GSAP: variants seen among roughly 807,000 people sequenced by gnomAD.
The protein encoded by GSAP is gamma-secretase-activating protein.
Under a neutral mutation model 131.7 loss-of-function variants are expected in GSAP, and 118 were observed. The observed-to-expected ratio is 0.90, with a 90% CI of 0.77 to 1.04. GSAP has a LOEUF of 1.04. Ranked by LOEUF, GSAP falls within the 50% of genes least tolerant of loss-of-function variation. The probability of loss-of-function intolerance (pLI) is 0.00; values close to 1 mark genes in which losing one functional copy is unlikely to be tolerated. For synonymous variants in GSAP, 381 were observed against 363.4 expected (o/e 1.05, Z -0.55); for missense variants, 1,019 against 1,013.2 (o/e 1.01, Z -0.08).
chr7:77,311,907 T>G lies in GSAP; in HGVS notation c.2407A>C (p.Ser803Arg). 6.2e-7 allele frequency: 1 copy of G among 1,602,216 alleles called. No individual in the cohort carries two copies. The highest frequency in any genetic ancestry group is 1.1e-5 in the South Asian group (1 of 90,872). ...TAGTTCAGAGGCAGAAATTCTACAC[T>G]GAACGATGACTTGTTAATCATAGAA... Reference protein sequence around the residue: ...RNSMINKSSFSVEFLPLNYFI... With the variant: ...RNSMINKSSFRVEFLPLNYFI... Residue 803 changes from serine (S) to arginine (R), a missense_variant, in exon 30 of 31, where the codon AGT (serine) becomes CGT (arginine). By Grantham distance (110) the Ser-to-Arg change is moderately radical. Transcript: ENST00000257626.
At chr7:77,352,222 A>G (rs1792990485) in intron 18 of GSAP, among the ~76,000 whole-genome samples, 1 of 152,206 alleles carries the variant, frequency 6.6e-6, no homozygotes, top group Admixed American at 6.5e-5. Context: ...TGTTATTTAA[A>G]TTCAATTTAT....
chr7:77,397,669 G>C (rs1180332120), intron 3 of GSAP, among the ~76,000 whole-genome samples: 1 of 152,162 alleles, frequency 6.6e-6, no homozygotes, highest in Non-Finnish European at 1.5e-5. Context: ...CATAGACATT[G>C]GAGCCCAGCT....
intron 19 of GSAP, among the ~76,000 whole-genome samples, chr7:77,338,180 C>CA (rs1429675930): frequency 5.9e-5 from 9 of 151,984 alleles, no homozygotes; most frequent in Non-Finnish European, 1.3e-4. Flanking sequence ...ATCAATCAAT[C>CA]AAAATTTTTT....
rs149525989 is a variant in GSAP, at chr7:77,336,467, A to C, written c.1546-6100T>G. 1.4e-4 allele frequency among the ~76,000 whole-genome samples: 21 copies of C among 151,426 alleles called. No individual in the cohort carries two copies. In the East Asian group the frequency reaches 3.9e-3, roughly 28 times the overall value. On this transcript the variant is annotated intron_variant, in intron 19 of 30. Transcript: ENST00000257626. ...CTACAGAAACAACAGGAATGATATC[A>C]CTAGCCTCAAGCTCTTTTTTTTTGT... is the stretch of plus-strand genomic sequence containing the variant.
intron 14 of GSAP, among the ~76,000 whole-genome samples, chr7:77,357,628 A>G (rs938944429): frequency 1.3e-5 from 2 of 152,184 alleles, no homozygotes; most frequent in Non-Finnish European, 2.9e-5. Context: ...CTGATAGCTA[A>G]AAAAATTAAA....
At chr7:77,360,411 G>A (rs1182755931) in intron 14 of GSAP, among the ~76,000 whole-genome samples, 1 of 152,120 alleles carries the variant, frequency 6.6e-6, no homozygotes, top group Admixed American at 6.5e-5. Flanking sequence ...TTCAAGATTA[G>A]CAACAGGAAA....
intron 14 of GSAP, among the ~76,000 whole-genome samples, chr7:77,357,678 G>T (rs767114324): frequency 6.6e-6 from 1 of 152,204 alleles, no homozygotes; most frequent in African/African-American, 2.4e-5. Flanking sequence ...TTACAGATTT[G>T]TCTTGGGCCA....
intron 5 of GSAP, among the ~76,000 whole-genome samples, chr7:77,390,619 G>T (rs937925159): frequency 7.2e-5 from 11 of 151,966 alleles, no homozygotes; most frequent in Non-Finnish European, 1.3e-4. Context: ...ATATCTGAGG[G>T]CTCTGTTCTG....
In GSAP at chr7:77,349,384, AAG is replaced by A. The variant is rs764434537; in HGVS notation, c.1510_1511del (p.Leu504CysfsTer16). ...GAGGCAATGCAATGTCTTCTGTCAC[AAG>A]AGTTATTCCAGGAATTTCCTATAGT... ...TWNTEIPGIT[L>X]VTEDIALPLM... On this transcript the variant is annotated frameshift_variant, in exon 19 of 31. Coordinates refer to ENST00000257626, the MANE Select transcript of GSAP (RefSeq NM_017439.4). LOFTEE classifies it high-confidence loss of function. 6.2e-7 allele frequency: 1 copy of A among 1,613,204 alleles called. No homozygotes were observed. The highest frequency in any genetic ancestry group is 8.5e-7 in the Non-Finnish European group (1 of 1,179,400).
In GSAP at chr7:77,321,329, G is replaced by A. The variant is rs367737064; in HGVS notation, c.1994+4C>T. 17 of 1,557,626 alleles carry A rather than the reference G, an allele frequency of 1.1e-5. No homozygotes were observed. The African/African-American group carries it at 1.2e-4, about 11-fold the overall frequency. On this transcript the variant is annotated splice_donor_region_variant and intron_variant, in intron 25 of 30. Transcript: ENST00000257626. Reference sequence around the variant, plus strand: ...CATGATAAAAGTGAGAAATACTTGCGTACAAGTGGAGAACCCAGGAATGAA... The same window carrying A: ...CATGATAAAAGTGAGAAATACTTGCATACAAGTGGAGAACCCAGGAATGAA...
intron 12 of GSAP, among the ~76,000 whole-genome samples, chr7:77,369,495 C>T (rs1795805692): frequency 6.6e-6 from 1 of 152,072 alleles, no homozygotes; most frequent in African/African-American, 2.4e-5. Flanking sequence ...CAAATGTTTT[C>T]AAGAATATAA....
intron 8 of GSAP, among the ~76,000 whole-genome samples, chr7:77,378,359 C>T (rs922239256): frequency 6.6e-6 from 1 of 152,024 alleles, no homozygotes; most frequent in Non-Finnish European, 1.5e-5. Context: ...TGGTGCATGC[C>T]TGTAATCCCA....
Position 77,328,600 on chromosome 7 carries a change from T to C in GSAP, c.1765+6A>G, listed in dbSNP as rs745497046. The stretch of plus-strand genomic sequence containing the variant: ...CCAGAAGGCTTTATTACAGATCTTT[T>C]CTTACCCAAATTTCTTGCTTCTAGG... On this transcript the variant is annotated splice_donor_region_variant and intron_variant, in intron 22 of 30. Coordinates refer to ENST00000257626, the MANE Select transcript of GSAP (RefSeq NM_017439.4). 2 of 1,611,540 alleles carry C rather than the reference T, an allele frequency of 1.2e-6. No individual in the cohort carries two copies. The highest frequency in any genetic ancestry group is 3.4e-5 in the Admixed American group (2 of 59,314).
chr7:77,378,520 C>CAAA (rs368804554), intron 8 of GSAP, among the ~76,000 whole-genome samples: 31 of 146,862 alleles, frequency 2.1e-4, no homozygotes, highest in African/African-American at 6.4e-4. Flanking sequence ...CAAAAAACAA[C>CAAA]AAAAAAAAAC....
At chr7:77,369,556 C>A (rs1795813353) in intron 12 of GSAP, among the ~76,000 whole-genome samples, 1 of 152,108 alleles carries the variant, frequency 6.6e-6, no homozygotes, top group East Asian at 1.9e-4. Context: ...AATGTGATAG[C>A]AAAATGTCAA....
intron 9 of GSAP, 118 bp downstream of exon 9, chr7:77,377,168 G>T: frequency 8.9e-7 from 1 of 1,119,862 alleles, no homozygotes; most frequent in South Asian, 2.1e-5. Context: ...AGTGAGCTAT[G>T]ATCACACCAC....
intron 10 of GSAP, among the ~76,000 whole-genome samples, chr7:77,376,410 G>A (rs756165277): frequency 3.9e-5 from 6 of 152,154 alleles, no homozygotes; most frequent in Non-Finnish European, 5.9e-5. Context: ...AATTTTACTT[G>A]CTCATACGAG....
At chr7:77,386,385 A>G (rs1230277656) in intron 6 of GSAP, among the ~76,000 whole-genome samples, 2 of 152,172 alleles carry the variant, frequency 1.3e-5, no homozygotes, top group Non-Finnish European at 2.9e-5. Flanking sequence ...CAGGATTTCA[A>G]CATTCAGGAT....
Position 77,377,505 on chromosome 7 carries a change from CCA to C in GSAP, c.577-117_577-116del, listed in dbSNP as rs1797130152. 4 of 1,245,914 alleles carry C rather than the reference CCA, an allele frequency of 3.2e-6. No homozygotes were observed. In the East Asian group the frequency reaches 1.1e-4, roughly 33 times the overall value. 77.2% of individuals were successfully genotyped at this position (1,245,914 alleles called of 1,614,324 possible). A position where few individuals can be genotyped will look rare whatever the true frequency, so the allele number is the denominator to read the frequency against. ...ATCTTTATGATACATGTAAATATTTCCACAGTTCACTGTTAGAAGCTCCCCAC... is the reference window on the plus strand; with the variant it reads ...ATCTTTATGATACATGTAAATATTTCCAGTTCACTGTTAGAAGCTCCCCAC... On this transcript the variant is annotated intron_variant, in intron 8 of 30. Transcript: ENST00000257626.
Sources: allele counts gnomAD v4.1 joint callset (sites outside exome capture counted in the v4.1 genomes callset), GRCh38; gene constraint gnomAD v4.1.1; transcripts MANE v1.5; gene names NCBI Gene and HGNC (gene_info 2026-07-23, HGNC 2026-07-21).